Variants in SBNO2 observed in about 807,000 individuals in gnomAD.
The protein encoded by SBNO2 is protein strawberry notch homolog 2.
Under a neutral mutation model 146.3 loss-of-function variants are expected in SBNO2, and 89 were observed. The ratio of observed to expected loss-of-function variants is 0.61; its 90% CI spans 0.51 to 0.73. The LOEUF (loss-of-function observed/expected upper bound fraction) is 0.73, where lower values mean the gene tolerates loss of function less well. Ranked by LOEUF, SBNO2 falls within the 30% of genes least tolerant of loss-of-function variation. SBNO2 has a pLI of 0.00. For synonymous variants in SBNO2, 1,147 were observed against 892.6 expected (o/e 1.29, Z -5.08); for missense variants, 2,092 against 2,003.7 (o/e 1.04, Z -0.84).
At chr19:1,151,631 G>A (rs1248397240) in intron 2 of SBNO2, among the ~76,000 whole-genome samples, 1 of 152,208 alleles carries the variant, frequency 6.6e-6, no homozygotes, top group African/African-American at 2.4e-5. Flanking sequence ...ACCTGACCCT[G>A]CCCAGACAAT....
chr19:1,113,857 G>A lies in SBNO2; in HGVS notation c.2078-153C>T, dbSNP rs1020042246. ...GGGGAAGCCCGGCACCGTGGCCCAG[G>A]ACTGCTTTTCTGCACTTGTCTCCCT... On this transcript the variant is annotated intron_variant, in intron 18 of 31. Transcript: ENST00000361757. Among the ~76,000 whole-genome samples the A allele has an allele frequency of 3.9e-5, 6 of 152,218 alleles. No homozygotes were observed. In the South Asian group the frequency reaches 1.2e-3, roughly 31 times the overall value.
Position 1,154,179 on chromosome 19 carries a change from C to T in SBNO2, c.93+5G>A. On this transcript the variant is annotated splice_donor_5th_base_variant and intron_variant, in intron 2 of 31. Transcript: ENST00000361757. ...GGGTGGGCCGGGGCCGGGGGTGGGG[C>T]TCACCTGCAGGGGCGGCGGGCTGTA... The T allele has an allele frequency of 2.4e-6, 3 of 1,225,534 alleles. No individual in the cohort carries two copies. The highest frequency in any genetic ancestry group is 1.0e-6 in the Non-Finnish European group (1 of 979,502). 75.9% of individuals were successfully genotyped at this position (1,225,534 alleles called of 1,614,324 possible). A position where few individuals can be genotyped will look rare whatever the true frequency, so the allele number is the denominator to read the frequency against.
chr19:1,116,570 G>A (rs1361681592), intron 16 of SBNO2, among the ~76,000 whole-genome samples: 2 of 152,130 alleles, frequency 1.3e-5, no homozygotes, highest in African/African-American at 4.8e-5. Context: ...ACAGATGCAG[G>A]AAGCCTCCTT....
At chr19:1,119,468 C>G in intron 13 of SBNO2, 48 bp downstream of exon 13, 1 of 1,398,934 alleles carries the variant, frequency 7.1e-7, no homozygotes, top group Non-Finnish European at 9.9e-7. Flanking sequence ...CCTGAGGCCT[C>G]CTCCCCACCC....
In SBNO2 at chr19:1,112,400, A is replaced by G; in HGVS notation, c.2515+2T>C. On this transcript the variant is annotated splice_donor_variant, in intron 21 of 31. Coordinates refer to ENST00000361757, the MANE Select transcript of SBNO2 (RefSeq NM_014963.3). LOFTEE classifies it high-confidence loss of function. This position sits in a 1 kb window ranked among gnomAD's most constrained non-coding sequence, Gnocchi z 5.9. ...CAGCGCTGGGGGCGGGGCCGGACTC[A>G]CCGAACTGCTGGATGGCGCGGTCGG... 1.2e-6 allele frequency: 2 copies of G among 1,600,424 alleles called. No homozygotes were observed. Among genetic ancestry groups the G allele is most frequent in the Admixed American group, 1.7e-5 (1 of 59,402 alleles).
rs576443561 is a variant in SBNO2, at chr19:1,145,106, T to C, written c.279+2203A>G. ...AGAGAGGGAGATAGGCAGAGAGAGA[T>C]TGAGAGGGAGGGAGACAGAGAGAGA... On this transcript the variant is annotated intron_variant, in intron 4 of 31. Transcript: ENST00000361757. Among the ~76,000 whole-genome samples the C allele has an allele frequency of 4.7e-4, 56 of 120,154 alleles. 2 individuals carry two copies. The South Asian group carries it at 9.4e-3, about 20-fold the overall frequency. 78.8% of individuals were successfully genotyped at this position (120,154 alleles called of 152,430 possible). A position where few individuals can be genotyped will look rare whatever the true frequency, so the allele number is the denominator to read the frequency against.
At chr19:1,124,440 G>A (rs1032155081) in intron 5 of SBNO2, among the ~76,000 whole-genome samples, 24 of 152,324 alleles carry the variant, frequency 1.6e-4, no homozygotes, top group Non-Finnish European at 2.1e-4. Context: ...AGGCCCTCGG[G>A]GGCCTGGGAG....
rs1474569625 is a variant in SBNO2 at position 1,144,937 on chromosome 19, GAGAGGGAGACAGAGACAA to G, written c.279+2354_279+2371del. Among the ~76,000 whole-genome samples the G allele has an allele frequency of 4.6e-5, 7 of 151,138 alleles. No individual in the cohort carries two copies. Among genetic ancestry groups the G allele is most frequent in the East Asian group, 3.9e-4 (2 of 5,068 alleles). On this transcript the variant is annotated intron_variant, in intron 4 of 31. Coordinates refer to ENST00000361757, the MANE Select transcript of SBNO2 (RefSeq NM_014963.3). The surrounding 1 kb of genome is among the most constrained non-coding windows in gnomAD (Gnocchi z 4.1). ...AGACAGAGACAGAGAGACAGAGACAGAGAGGGAGACAGAGACAAAGAGGGAGACAGAGACAGAGACTGA... is the reference window on the plus strand; with the variant it reads ...AGACAGAGACAGAGAGACAGAGACAGAGAGGGAGACAGAGACAGAGACTGA...
chr19:1,133,214 T>C (rs112660142), intron 4 of SBNO2, among the ~76,000 whole-genome samples: 2,018 of 151,962 alleles, frequency 0.013, 28 homozygotes, highest in Non-Finnish European at 0.022. Flanking sequence ...AGAGGCCGCA[T>C]TGCCCACGAG....
intron 1 of SBNO2, among the ~76,000 whole-genome samples, chr19:1,160,231 T>A (rs1406448728): frequency 2.0e-5 from 3 of 152,046 alleles, no homozygotes; most frequent in East Asian, 1.9e-4. Flanking sequence ...CTCACCCACA[T>A]CCCTGCAGCC....
At chr19:1,132,463 G>T (rs1359868628) in intron 4 of SBNO2, among the ~76,000 whole-genome samples, 1 of 152,218 alleles carries the variant, frequency 6.6e-6, no homozygotes, top group East Asian at 1.9e-4. Context: ...GCCCCCTTTG[G>T]GGCACCCGGC....
chr19:1,171,442 C>T lies in SBNO2; in HGVS notation c.-127+2730G>A, dbSNP rs117212575. Among the ~76,000 whole-genome samples, 343 of 152,268 alleles carry T rather than the reference C, an allele frequency of 2.3e-3. 12 individuals are homozygous for T. The East Asian group carries it at 0.058, about 26-fold the overall frequency. ...CACACATGCAGAGTCCCCAGGGCAG[C>T]GCTGGCGTCATGGGGGGCTGCCTCC... is the stretch of plus-strand genomic sequence containing the variant. On this transcript the variant is annotated intron_variant, in intron 1 of 31. Coordinates refer to ENST00000361757, the MANE Select transcript of SBNO2 (RefSeq NM_014963.3).
At position 1,127,730 on chromosome 19, in the gene SBNO2, G is replaced by A. The variant is rs545832850; in HGVS notation, c.315C>T (p.Ser105=). ...SSYFEDFSNI[S]IFSSSVDSLS... The stretch of plus-strand genomic sequence containing the variant: ...GGGAGTCCACGGACGAGGAGAAGAT[G>A]GAGATGTTGGAGAAGTCCTCAAAAT... Residue 105 remains serine, a synonymous_variant, in exon 5 of 32, where the codon TCC becomes TCT. Transcript: ENST00000361757. The A allele has an allele frequency of 2.7e-5, 43 of 1,613,612 alleles. No homozygotes were observed. In the African/African-American group the frequency reaches 4.8e-4, roughly 18 times the overall value.
intron 1 of SBNO2, among the ~76,000 whole-genome samples, chr19:1,163,032 T>A (rs1475493428): frequency 1.3e-5 from 2 of 152,092 alleles, no homozygotes; most frequent in African/African-American, 4.8e-5. Flanking sequence ...CAAGACAGGA[T>A]CTGGTAAGTG....
At chr19:1,168,537 C>T (rs1332078421) in intron 1 of SBNO2, among the ~76,000 whole-genome samples, 1 of 152,216 alleles carries the variant, frequency 6.6e-6, no homozygotes, top group Non-Finnish European at 1.5e-5. Flanking sequence ...TCCAGGCACC[C>T]TGGCGGCTGT....
Position 1,117,414 on chromosome 19 carries a change from G to A in SBNO2, c.1613C>T (p.Ser538Leu), listed in dbSNP as rs1355854312. Residue 538 changes from serine to leucine, a missense_variant, in exon 15 of 32, where the codon TCG (serine) becomes TTG (leucine). Transcript: ENST00000361757. ...SRKSLWGQFW[S>L]AHQRFFKYLC... is the part of the protein sequence containing the mutation. ...ATACTTGAAGAAGCGCTGGTGTGCC[G>A]ACCAGAACTGGCCCCACAGGGACTT... 20 of 1,590,018 alleles carry A rather than the reference G, an allele frequency of 1.3e-5. No homozygotes were observed. Among genetic ancestry groups the A allele is most frequent in the East Asian group, 2.3e-5 (1 of 43,418 alleles).
chr19:1,113,071 G>A (rs2079786391), intron 19 of SBNO2, 122 bp from the exon 20 acceptor site: 11 of 1,198,720 alleles, frequency 9.2e-6, no homozygotes, highest in Non-Finnish European at 1.1e-5. Flanking sequence ...TGCACGGGAG[G>A]TGGGGGTGCT....
Position 1,112,034 on chromosome 19 carries a change from C to G in SBNO2, c.2662G>C (p.Glu888Gln). ...TTGTACTTGCTGAGGTCACGGGACT[C>G]CGTGGCGCGGCGGTCTCCGTGGGTC... ...ALTHGDRRAT[E>Q]SRDLSKYNFE... Residue 888 changes from glutamate (E) to glutamine (Q), a missense_variant, in exon 23 of 32, where the codon GAG becomes CAG. By Grantham distance (29) the Glu-to-Gln change is conservative. Coordinates refer to ENST00000361757, the MANE Select transcript of SBNO2 (RefSeq NM_014963.3). The surrounding 1 kb of genome is among the most constrained non-coding windows in gnomAD (Gnocchi z 5.9). 6.2e-7 allele frequency: 1 copy of G among 1,612,470 alleles called. No individual in the cohort carries two copies. The highest frequency in any genetic ancestry group is 8.5e-7 in the Non-Finnish European group (1 of 1,179,764).
Position 1,112,699 on chromosome 19 carries a change from C to G in SBNO2, c.2379+119G>C. ...ACCACCCGCCACACGGCCACTCGCG[C>G]CCGCACCTGGCACACACACACTCCA... On this transcript the variant is annotated intron_variant, in intron 20 of 31. Transcript: ENST00000361757. The surrounding 1 kb of genome is among the most constrained non-coding windows in gnomAD (Gnocchi z 5.9). The G allele has an allele frequency of 6.9e-7, 1 of 1,443,682 alleles. No individual in the cohort carries two copies. Among genetic ancestry groups the G allele is most frequent in the Non-Finnish European group, 9.1e-7 (1 of 1,093,314 alleles). 89.4% of individuals were successfully genotyped at this position (1,443,682 alleles called of 1,614,324 possible).
Sources: gnomAD v4.1 joint callset for allele counts (sites outside exome capture counted in the v4.1 genomes callset) on GRCh38, gnomAD v4.1.1 for gene constraint, Gnocchi (gnomAD v3.1) non-coding constraint, MANE v1.5 for transcripts, NCBI Gene and HGNC (gene_info 2026-07-23, HGNC 2026-07-21) for gene names.